The following TG variants were observed in gnomAD, a reference collection of about 807,000 sequenced individuals.
TG encodes the protein thyroglobulin, also known as thyroid hormones.
In TG, 270 loss-of-function variants were observed where a neutral mutation model predicts 324.7. That is an observed-to-expected ratio of 0.83 (90% CI 0.75 to 0.92). TG has a LOEUF of 0.92. TG is among the 40% of genes least tolerant of loss of function. The pLI is 0.00. For synonymous variants in TG, 1,401 were observed against 1,327.0 expected (o/e 1.06, Z -1.21); for missense variants, 3,591 against 3,456.4 (o/e 1.04, Z -0.98).
chr8:133,120,447 A>G (rs1229915623), intron 45 of TG, among the ~76,000 whole-genome samples: 1 of 152,170 alleles, frequency 6.6e-6, no homozygotes. Context: ...ATAGAAATGT[A>G]TTGTCTCAAG....
intron 26 of TG, among the ~76,000 whole-genome samples, chr8:132,946,059 CACACACACACACA>C (rs1825234415): frequency 6.6e-6 from 1 of 151,900 alleles, no homozygotes; most frequent in South Asian, 2.1e-4. Flanking sequence ...CACACACACA[CACACACACACACA>C]CCCTATATTT....
rs777377027 is a variant in TG at position 133,011,883 on chromosome 8, C to A, written c.6263-18C>A. 6 of 1,614,144 alleles carry A rather than the reference C, an allele frequency of 3.7e-6. No homozygotes were observed. Among genetic ancestry groups the A allele is most frequent in the East Asian group, 4.5e-5 (2 of 44,880 alleles). ...CAGGTGACAACTGCATGTGACTGTC[C>A]GTTGCCTTCTCTCCTAGTGTCTCTG... On this transcript the variant is annotated intron_variant, in intron 35 of 47. Transcript: ENST00000220616.
Position 132,869,767 on chromosome 8 carries a change from G to T in TG, c.215G>T (p.Cys72Phe). 6.2e-7 allele frequency: 1 copy of T among 1,614,074 alleles called. No individual in the cohort carries two copies. The highest frequency in any genetic ancestry group is 2.2e-5 in the East Asian group (1 of 44,896). ...QCQNDGRSCW[C>F]VGANGSEVLG... ...CAGAACGACGGCCGCTCCTGCTGGT[G>T]TGTGGGTGCCAACGGCAGTGAAGTG... The change falls in exon 3 of 48, where the codon TGT becomes TTT. Residue 72 changes from cysteine to phenylalanine, a missense_variant. Physicochemically the swap from Cys to Phe is radical, Grantham distance 205. Coordinates refer to ENST00000220616, the MANE Select transcript of TG (RefSeq NM_003235.5).
intron 5 of TG, among the ~76,000 whole-genome samples, chr8:132,875,977 C>A (rs2132079014): frequency 6.6e-6 from 1 of 152,190 alleles, no homozygotes; most frequent in South Asian, 2.1e-4. Context: ...TACGAGACAG[C>A]AAGTTACGTT....
chr8:132,920,267 T>C (rs1820927994), intron 21 of TG, among the ~76,000 whole-genome samples: 1 of 152,214 alleles, frequency 6.6e-6, no homozygotes, highest in Non-Finnish European at 1.5e-5. Flanking sequence ...GACCCATAAC[T>C]TGCCTTGTTG....
intron 38 of TG, among the ~76,000 whole-genome samples, chr8:133,018,914 C>T (rs770519516): frequency 1.3e-5 from 2 of 152,134 alleles, no homozygotes; most frequent in South Asian, 2.1e-4. Flanking sequence ...TGGTGGCAGT[C>T]GGAGTGGAAA....
chr8:132,894,695 A>C (rs1264426067), intron 11 of TG, among the ~76,000 whole-genome samples: 3 of 152,192 alleles, frequency 2.0e-5, no homozygotes, highest in African/African-American at 7.2e-5. Flanking sequence ...CCGTGACTTC[A>C]AGTGATCTGT....
chr8:133,123,753 A>T (rs774239154), intron 45 of TG, among the ~76,000 whole-genome samples: 2 of 152,226 alleles, frequency 1.3e-5, no homozygotes, highest in African/African-American at 2.4e-5. Context: ...TCTGGGCCCC[A>T]GCAAGTGTAG....
intron 41 of TG, chr8:133,049,617 A>G (rs1840048834): frequency 4.7e-6 from 2 of 421,544 alleles, no homozygotes; most frequent in African/African-American, 4.0e-5. Context: ...GTGCCCTCCC[A>G]TAACATTTCC....
intron 11 of TG, 36 bp downstream of exon 11, chr8:132,893,965 G>T: frequency 6.2e-7 from 1 of 1,613,698 alleles, no homozygotes; most frequent in Non-Finnish European, 8.5e-7. Context: ...TTACTGCATC[G>T]CTTTGGAAAA....
intron 31 of TG, among the ~76,000 whole-genome samples, chr8:132,969,245 G>A (rs1829114156): frequency 1.3e-5 from 2 of 151,904 alleles, no homozygotes; most frequent in African/African-American, 4.8e-5. Flanking sequence ...CCAACATTTT[G>A]TTGCTGTGTC....
At chr8:132,910,747 A>C (rs1819397240) in intron 18 of TG, among the ~76,000 whole-genome samples, 1 of 152,242 alleles carries the variant, frequency 6.6e-6, no homozygotes, top group South Asian at 2.1e-4. Flanking sequence ...TATAAGACAC[A>C]CAGTCTGTGG....
At chr8:132,933,211 T>C (rs980330052) in intron 23 of TG, among the ~76,000 whole-genome samples, 10 of 114,446 alleles carry the variant, frequency 8.7e-5, no homozygotes, top group Non-Finnish European at 1.9e-4. Flanking sequence ...TGTGTGTGTG[T>C]GTATTTGGAG....
chr8:133,043,936 T>G (rs1838802065), intron 41 of TG, among the ~76,000 whole-genome samples: 4 of 152,202 alleles, frequency 2.6e-5, no homozygotes, highest in Admixed American at 2.6e-4. Context: ...GATGGCAATG[T>G]TCCGCTGGGT....
At chr8:132,975,208 C>G (rs543340628) in intron 34 of TG, among the ~76,000 whole-genome samples, 163 of 152,298 alleles carry the variant, frequency 1.1e-3, no homozygotes, top group African/African-American at 3.8e-3. Context: ...CCTCTCACTT[C>G]CCCCTTGCCC....
chr8:133,110,423 G>A (rs1564201385), intron 43 of TG, among the ~76,000 whole-genome samples: 3 of 152,168 alleles, frequency 2.0e-5, no homozygotes, highest in African/African-American at 7.2e-5. Flanking sequence ...ATATTTTCTT[G>A]CACAGTTTTT....
chr8:132,929,268 C>T, intron 23 of TG, 76 bp downstream of exon 23: 1 of 1,051,162 alleles, frequency 9.5e-7, no homozygotes, highest in Non-Finnish European at 1.5e-6. Flanking sequence ...CGAGACAAAC[C>T]AAATCAAACC....
chr8:132,880,944 A>C (rs1466580303), intron 5 of TG, among the ~76,000 whole-genome samples: 1 of 152,204 alleles, frequency 6.6e-6, no homozygotes, highest in African/African-American at 2.4e-5. Context: ...GCTAGAATAG[A>C]TTGCACAGCA....
chr8:133,121,937 T>C (rs1851173281), intron 45 of TG, among the ~76,000 whole-genome samples: 1 of 152,194 alleles, frequency 6.6e-6, no homozygotes, highest in Non-Finnish European at 1.5e-5. Flanking sequence ...AAGTTTATCT[T>C]ATTGTCCCAA....
Sources: allele counts gnomAD v4.1 joint callset (sites outside exome capture counted in the v4.1 genomes callset), GRCh38; gene constraint gnomAD v4.1.1; transcripts MANE v1.5; gene names NCBI Gene and HGNC (gene_info 2026-07-23, HGNC 2026-07-21).